The following SLC35E1 variants were observed in gnomAD, a reference collection of about 807,000 sequenced individuals.
SLC35E1 encodes solute carrier family 35 member E1, also known as solute carrier family 35, member E1.
A neutral mutation model predicts 31.0 loss-of-function variants in SLC35E1; 12 were observed. The ratio of observed to expected loss-of-function variants is 0.39; its 90% confidence interval spans 0.25 to 0.63. The LOEUF (loss-of-function observed/expected upper bound fraction) is 0.63. Among genes scored for constraint, SLC35E1 ranks in the 20% least tolerant of loss-of-function variants. The pLI is 0.52. For missense variants in SLC35E1, 429 were observed against 572.2 expected, an observed-to-expected ratio of 0.75 and a Z score of 2.55; for synonymous variants, 257 against 264.1, an observed-to-expected ratio of 0.97 and a Z score of 0.26.
intron 3 of SLC35E1, among the ~76,000 whole-genome samples, chr19:16,567,721 T>C (rs546929242): frequency 6.6e-6 from 1 of 152,248 alleles, no homozygotes; most frequent in South Asian, 2.1e-4. Flanking sequence ...GCCTGGCTAA[T>C]TTTTATGTTT....
At chr19:16,567,800 C>G (rs566819687) in intron 3 of SLC35E1, among the ~76,000 whole-genome samples, 1 of 151,872 alleles carries the variant, frequency 6.6e-6, no homozygotes, top group African/African-American at 2.4e-5. Context: ...GTGAACCGCC[C>G]GCCTTGGCCT....
In SLC35E1 at chr19:16,571,799, TC is replaced by T. The variant is rs553311441; in HGVS notation, c.421+144del. On this transcript the variant is annotated intron_variant, in intron 1 of 5. Coordinates refer to ENST00000595753, the MANE Select transcript of SLC35E1 (RefSeq NM_024881.5). ...CTTCTCCCTGAGAACCCCGTGCGTG[TC>T]CCTCCCCTACCAAACCCTTGGCAGC... The T allele has an allele frequency of 5.2e-3, 4,958 of 957,516 alleles. 22 individuals are homozygous for T. The highest frequency in any genetic ancestry group is 6.5e-3 in the Non-Finnish European group (4,253 of 651,514). 59.3% of individuals were successfully genotyped at this position (957,516 alleles called of 1,614,324 possible).
intron 3 of SLC35E1, 42 bp downstream of exon 3, chr19:16,567,990 C>T (rs1315109328): frequency 6.5e-7 from 1 of 1,536,458 alleles, no homozygotes; most frequent in African/African-American, 1.4e-5. Context: ...TGCCCGCACA[C>T]CCCTGAAACC....
chr19:16,559,494 A>C (rs1387895002), intron 4 of SLC35E1, among the ~76,000 whole-genome samples: 1 of 150,360 alleles, frequency 6.7e-6, no homozygotes, highest in East Asian at 2.0e-4. Flanking sequence ...ACACACACAC[A>C]CACACAGAGT....
intron 2 of SLC35E1, among the ~76,000 whole-genome samples, chr19:16,569,024 C>T (rs377171049): frequency 1.3e-4 from 19 of 151,336 alleles, no homozygotes; most frequent in African/African-American, 4.4e-4. Context: ...GCTCTCCACT[C>T]ACTCTTTTTT....
At chr19:16,554,777 G>A (rs1448045390) in intron 5 of SLC35E1, among the ~76,000 whole-genome samples, 4 of 143,106 alleles carry the variant, frequency 2.8e-5, no homozygotes, top group East Asian at 2.1e-4. Flanking sequence ...GGGATGGAGC[G>A]CCACTGCAAT....
Position 16,555,206 on chromosome 19 carries a change from G to A in SLC35E1, c.948C>T (p.Ser316=). 6.2e-7 allele frequency: 1 copy of A among 1,614,168 alleles called. No homozygotes were observed. Among genetic ancestry groups the A allele is most frequent in the Non-Finnish European group, 8.5e-7 (1 of 1,180,024 alleles). ...SLIMLRNPVT[S]TNVLGMMTAI... ...CGGTCATCATGCCCAGGACGTTGGT[G>A]CTGGTGACTGGGTTGCGCAGCATGA... Residue 316 remains serine, a synonymous_variant, in exon 5 of 6, where the codon AGC becomes AGT. Coordinates refer to ENST00000595753, the MANE Select transcript of SLC35E1 (RefSeq NM_024881.5). This position sits in a 1 kb window ranked among gnomAD's most constrained non-coding sequence, Gnocchi z 4.1.
intron 4 of SLC35E1, chr19:16,564,984 A>C: frequency 2.7e-6 from 1 of 375,316 alleles, no homozygotes; most frequent in South Asian, 1.9e-5. Context: ...GATTAAAGAT[A>C]AGAAATGTCA....
intron 4 of SLC35E1, chr19:16,566,246 G>A (rs1008119890): frequency 3.6e-5 from 14 of 386,058 alleles, no homozygotes; most frequent in Non-Finnish European, 6.2e-5. Context: ...TATACTGTCA[G>A]GAGGTGAAAG....
chr19:16,556,987 A>G lies in SLC35E1; in HGVS notation c.757-1590T>C, dbSNP rs553987826. The G allele has an allele frequency of 2.3e-3, 1,106 of 471,104 alleles. 16 individuals are homozygous for G. The highest frequency in any genetic ancestry group is 0.016 in the South Asian group (1,005 of 64,562). 29.2% of individuals were successfully genotyped at this position (471,104 alleles called of 1,614,324 possible). On this transcript the variant is annotated intron_variant, in intron 4 of 5. Transcript: ENST00000595753. The stretch of plus-strand genomic sequence containing the variant: ...TGGAGGAATAGCCCCTGTAATATAT[A>G]TGAGCCCACCAGGATGCCTTCATGT...
intron 2 of SLC35E1, 79 bp from the exon 3 acceptor site, chr19:16,568,248 C>A (rs1011068688): frequency 9.5e-6 from 14 of 1,474,854 alleles, no homozygotes; most frequent in Middle Eastern, 1.8e-4. Context: ...CAGGGAAGAG[C>A]CCCTCTCCTC....
rs1568270107 is a variant in SLC35E1, at chr19:16,552,860, T to C, written c.*819A>G. 2 of 152,078 alleles carry C rather than the reference T, an allele frequency of 1.3e-5. No individual in the cohort carries two copies. Among genetic ancestry groups the C allele is most frequent in the Non-Finnish European group, 2.9e-5 (2 of 68,040 alleles). The allele number at this position is 152,078 out of a possible 1,614,324, so 9.4% of individuals were successfully genotyped here. A position where few individuals can be genotyped will look rare whatever the true frequency, so the allele number is the denominator to read the frequency against. On this transcript the variant is annotated 3_prime_UTR_variant, in exon 6 of 6. Transcript: ENST00000595753. ...TCTCAAAAGACATGTGCCACAGAAA[T>C]AGAGCTTGAAATACTGAACACGATT... is the stretch of plus-strand genomic sequence containing the variant.
intron 4 of SLC35E1, among the ~76,000 whole-genome samples, chr19:16,559,463 TACACACACACACACACACAC>T (rs61643316): frequency 2.4e-4 from 34 of 142,304 alleles, no homozygotes; most frequent in Non-Finnish European, 3.0e-4. Context: ...CTACAAAAAA[TACACACACACACACACACAC>T]ACACACACAC....
At position 16,571,588 on chromosome 19, in the gene SLC35E1, AAG is replaced by A. The variant is rs779311304; in HGVS notation, c.422-8_422-7del. 1 of 1,613,626 alleles carries A rather than the reference AAG, an allele frequency of 6.2e-7. No individual in the cohort carries two copies. The highest frequency in any genetic ancestry group is 8.5e-7 in the Non-Finnish European group (1 of 1,179,890). On this transcript the variant is annotated splice_polypyrimidine_tract_variant and splice_region_variant and intron_variant, in intron 1 of 5. Coordinates refer to ENST00000595753, the MANE Select transcript of SLC35E1 (RefSeq NM_024881.5). ...GATGGGCATGGTGGCCTTGACTGCAAAGAGAGGGATGGGCACTCAGGGGGCTG... is the reference window on the plus strand; with the variant it reads ...GATGGGCATGGTGGCCTTGACTGCAAAGAGGGATGGGCACTCAGGGGGCTG...
intron 4 of SLC35E1, among the ~76,000 whole-genome samples, chr19:16,561,666 G>A (rs1163049915): frequency 6.6e-6 from 1 of 152,202 alleles, no homozygotes; most frequent in Non-Finnish European, 1.5e-5. Flanking sequence ...AGACTGGAGA[G>A]CAGCAGACAC....
rs2085940509 is a variant in SLC35E1 at position 16,568,036 on chromosome 19, T to A, written c.626A>T (p.Lys209Ile). ...CCGCTGATGGTGACCAAATACCTTT[T>A]TGGAGAAAATGTTCTGAAGCGAGAA... ...LCFSLQNIFS[K>I]KVLRDSRIHH... is the part of the protein sequence containing the mutation. Residue 209 changes from lysine to isoleucine, a missense_variant, in exon 3 of 6, where the codon AAA (lysine) becomes ATA (isoleucine). Physicochemically the swap from Lys to Ile is moderately radical, Grantham distance 102 (BLOSUM62 -3). Coordinates refer to ENST00000595753, the MANE Select transcript of SLC35E1 (RefSeq NM_024881.5). 1 of 1,609,258 alleles carries A rather than the reference T, an allele frequency of 6.2e-7. No individual in the cohort carries two copies. The highest frequency in any genetic ancestry group is 8.5e-7 in the Non-Finnish European group (1 of 1,177,574).
At chr19:16,561,645 T>G (rs1233841659) in intron 4 of SLC35E1, among the ~76,000 whole-genome samples, 1 of 152,232 alleles carries the variant, frequency 6.6e-6, no homozygotes, top group Non-Finnish European at 1.5e-5. Context: ...CTGCAGCCTT[T>G]GATTCTTGGT....
rs2085871379 is a variant in SLC35E1 at position 16,555,480 on chromosome 19, GA to G, written c.757-84del. ...CTGTATCCACCTGGCAGGGTTAGGG[GA>G]AGGGATGTGGAGGGGCTCATCTGGA... On this transcript the variant is annotated intron_variant, in intron 4 of 5. Transcript: ENST00000595753. This position sits in a 1 kb window ranked among gnomAD's most constrained non-coding sequence, Gnocchi z 4.1. The G allele has an allele frequency of 4.5e-6, 7 of 1,547,196 alleles. No homozygotes were observed. Among genetic ancestry groups the G allele is most frequent in the Non-Finnish European group, 6.1e-6 (7 of 1,148,034 alleles).
intron 4 of SLC35E1, among the ~76,000 whole-genome samples, chr19:16,563,101 A>C (rs986897692): frequency 6.6e-6 from 1 of 152,052 alleles, no homozygotes; most frequent in Admixed American, 6.6e-5. Context: ...TGGGTGGATC[A>C]CCTAATGTCA....
Sources: allele counts gnomAD v4.1 joint callset (sites outside exome capture counted in the v4.1 genomes callset), GRCh38; gene constraint gnomAD v4.1.1; non-coding constraint Gnocchi (gnomAD v3.1); transcripts MANE v1.5; gene names NCBI Gene and HGNC (gene_info 2026-07-23, HGNC 2026-07-21).